Variants in GATAD2B observed in about 807,000 individuals in gnomAD.
GATAD2B encodes GATA zinc finger domain containing 2B.
GATAD2B carries 8 observed loss-of-function variants against 64.3 expected under a neutral mutation model. That is an observed-to-expected ratio of 0.12 (90% CI 0.07 to 0.22). The LOEUF (loss-of-function observed/expected upper bound fraction) is 0.22. Ranked by LOEUF, GATAD2B falls within the 10% of genes least tolerant of loss-of-function variation. The pLI is 1.00. For synonymous variants in GATAD2B, 281 were observed against 271.3 expected (o/e 1.04, Z -0.35); for missense variants, 453 against 752.0 (o/e 0.60, Z 4.65).
chr1:153,810,466 C>G (rs1351250115), intron 10 of GATAD2B, among the ~76,000 whole-genome samples, 156 bp from the exon 11 acceptor site: 2 of 152,170 alleles, frequency 1.3e-5, no homozygotes. Context: ...CAGCAACTTT[C>G]TTTTTCTTTT....
At chr1:153,846,517 C>G (rs781064708) in intron 1 of GATAD2B, among the ~76,000 whole-genome samples, 48 of 150,486 alleles carry the variant, frequency 3.2e-4, no homozygotes, top group Non-Finnish European at 6.2e-4. Flanking sequence ...GGATTACAGG[C>G]ATTAGCCACC....
At chr1:153,824,334 A>T (rs1398590983) in intron 2 of GATAD2B, among the ~76,000 whole-genome samples, 1 of 152,142 alleles carries the variant, frequency 6.6e-6, no homozygotes, top group Non-Finnish European at 1.5e-5. Flanking sequence ...ATTTTTAAAA[A>T]AATTGTTGGG....
At position 153,808,757 on chromosome 1, in the gene GATAD2B, C is replaced by T. The variant is rs1362219715; in HGVS notation, c.*1420G>A. 1 of 127,772 alleles carries T rather than the reference C, an allele frequency of 7.8e-6. No individual in the cohort carries two copies. The highest frequency in any genetic ancestry group is 1.6e-5 in the Non-Finnish European group (1 of 63,962). The allele number at this position is 127,772 out of a possible 1,614,324, so 7.9% of individuals were successfully genotyped here. A position where few individuals can be genotyped will look rare whatever the true frequency, so the allele number is the denominator to read the frequency against. ...CTAATCTCCCCAGTCCCCAGAACAG[C>T]AACATTGCACAATTCAATTCATTCT... On this transcript the variant is annotated 3_prime_UTR_variant, in exon 11 of 11. Transcript: ENST00000368655.
chr1:153,875,683 GAAAAAAAAAAA>G (rs11340415), intron 1 of GATAD2B, among the ~76,000 whole-genome samples: 10 of 78,410 alleles, frequency 1.3e-4, no homozygotes, highest in Admixed American at 1.0e-3. Flanking sequence ...AGTTTGGAGG[GAAAAAAAAAAA>G]AAAAAAAAAA....
chr1:153,861,809 T>TATATATATATATATATACAC (rs1294838675), intron 1 of GATAD2B, among the ~76,000 whole-genome samples: 139 of 122,120 alleles, frequency 1.1e-3, no homozygotes, highest in African/African-American at 4.0e-3. Flanking sequence ...TATATATATA[T>TATATATATATATATATACAC]ACACATATGT....
chr1:153,816,614 A>G lies in GATAD2B; in HGVS notation c.901-26T>C. On this transcript the variant is annotated intron_variant, in intron 6 of 10. Coordinates refer to ENST00000368655, the MANE Select transcript of GATAD2B (RefSeq NM_020699.4). This position sits in a 1 kb window ranked among gnomAD's most constrained non-coding sequence, Gnocchi z 4.9. ...CTGAAATAGATTGAGAATGCGGTCA[A>G]TCATGGTATGCAGGAGAAAGGGCCA... 6.5e-7 allele frequency: 1 copy of G among 1,531,106 alleles called. No individual in the cohort carries two copies. The highest frequency in any genetic ancestry group is 9.0e-7 in the Non-Finnish European group (1 of 1,109,316). 94.8% of individuals were successfully genotyped at this position (1,531,106 alleles called of 1,614,324 possible).
chr1:153,914,227 C>CAAAAAAAAAAAAAAA, intron 1 of GATAD2B, among the ~76,000 whole-genome samples: 1 of 65,984 alleles, frequency 1.5e-5, no homozygotes. Context: ...CCCAGACTCT[C>CAAAAAAAAAAAAAAA]AAAAAAAAAA....
chr1:153,903,142 C>T (rs1204273801), intron 1 of GATAD2B, among the ~76,000 whole-genome samples: 2 of 151,700 alleles, frequency 1.3e-5, no homozygotes, highest in Admixed American at 1.3e-4. Context: ...GGAGTGAAAC[C>T]AGGAGGCGGA....
chr1:153,862,274 C>T (rs1448909330), intron 1 of GATAD2B, among the ~76,000 whole-genome samples: 2 of 151,696 alleles, frequency 1.3e-5, no homozygotes, highest in Non-Finnish European at 2.9e-5. Context: ...AGGCTCATGC[C>T]GTCACACCCA....
rs71093290 is a variant in GATAD2B at position 153,828,455 on chromosome 1, T to TACACACAC, written c.-1-115_-1-108dup. ...TTAACAAGAATCTCTCTCTCACACA[T>TACACACAC]ACACACACACACACACACACACACA... On this transcript the variant is annotated intron_variant, in intron 1 of 10. Transcript: ENST00000368655. 3.1e-3 allele frequency: 1,797 copies of TACACACAC among 584,050 alleles called. 5 individuals are homozygous for TACACACAC. Among genetic ancestry groups the TACACACAC allele is most frequent in the East Asian group, 0.013 (452 of 34,728 alleles). The allele number at this position is 584,050 out of a possible 1,614,324, so 36.2% of individuals were successfully genotyped here.
chr1:153,901,970 C>T (rs543548900), intron 1 of GATAD2B, among the ~76,000 whole-genome samples: 5 of 138,766 alleles, frequency 3.6e-5, no homozygotes, highest in Non-Finnish European at 7.7e-5. Context: ...GCCAATCAGA[C>T]TCCGTCTCAA....
intron 1 of GATAD2B, among the ~76,000 whole-genome samples, chr1:153,900,314 G>A (rs1677726645): frequency 6.6e-6 from 1 of 151,916 alleles, no homozygotes; most frequent in Non-Finnish European, 1.5e-5. Flanking sequence ...AGCTACTCAG[G>A]AGGCTTGAGG....
Position 153,810,279 on chromosome 1 carries a change from G to A in GATAD2B, c.1680C>T (p.Ile560=), listed in dbSNP as rs756036459. 2.5e-5 allele frequency: 40 copies of A among 1,613,048 alleles called. No individual in the cohort carries two copies. The highest frequency in any genetic ancestry group is 5.0e-5 in the Admixed American group (3 of 59,816). ...GVNIAYLNTG[I]GGHKGPSLAD... ...CCAAACTGGGGCCTTTGTGTCCTCCGATGCCAGTATTCAAGTATGCAATGT... is the reference window on the plus strand; with the variant it reads ...CCAAACTGGGGCCTTTGTGTCCTCCAATGCCAGTATTCAAGTATGCAATGT... Residue 560 remains isoleucine (I), a synonymous_variant, in exon 11 of 11, where the codon ATC becomes ATT. Coordinates refer to ENST00000368655, the MANE Select transcript of GATAD2B (RefSeq NM_020699.4).
rs923820026 is a variant in GATAD2B, at chr1:153,806,796, T to C, written c.*3381A>G. 6.6e-6 allele frequency: 1 copy of C among 151,802 alleles called. No homozygotes were observed. Among genetic ancestry groups the C allele is most frequent in the African/African-American group, 2.4e-5 (1 of 41,126 alleles). The allele number at this position is 151,802 out of a possible 1,614,324, so 9.4% of individuals were successfully genotyped here. A position where few individuals can be genotyped will look rare whatever the true frequency, so the allele number is the denominator to read the frequency against. On this transcript the variant is annotated 3_prime_UTR_variant, in exon 11 of 11. Transcript: ENST00000368655. ...GTAGGGGGTGTGGAGAGAAGGGTTA[T>C]GCCTTCTGGAGGAGTGGGGAGAAAA...
At chr1:153,837,648 G>A (rs2101898771) in intron 1 of GATAD2B, among the ~76,000 whole-genome samples, 1 of 152,178 alleles carries the variant, frequency 6.6e-6, no homozygotes, top group East Asian at 1.9e-4. Context: ...AAGGGTACAC[G>A]TGATCTTTTT....
chr1:153,885,825 T>G (rs1413137990), intron 1 of GATAD2B, among the ~76,000 whole-genome samples: 1 of 145,364 alleles, frequency 6.9e-6, no homozygotes, highest in African/African-American at 2.6e-5. Context: ...ACGGCGCCAC[T>G]GCTCTCCAGC....
In GATAD2B at chr1:153,816,169, G is replaced by T; in HGVS notation, c.1216+104C>A. 1.4e-6 allele frequency: 1 copy of T among 738,432 alleles called. No individual in the cohort carries two copies. The highest frequency in any genetic ancestry group is 2.3e-6 in the Non-Finnish European group (1 of 434,162). 45.7% of individuals were successfully genotyped at this position (738,432 alleles called of 1,614,324 possible). A position where few individuals can be genotyped will look rare whatever the true frequency, so the allele number is the denominator to read the frequency against. On this transcript the variant is annotated intron_variant, in intron 7 of 10. Transcript: ENST00000368655. This position sits in a 1 kb window ranked among gnomAD's most constrained non-coding sequence, Gnocchi z 4.9. ...AGGGAGGTGGTTTGGTAACAGGAAGGAGAAGTTATTTAATATTGTACAGTA... is the reference window on the plus strand; with the variant it reads ...AGGGAGGTGGTTTGGTAACAGGAAGTAGAAGTTATTTAATATTGTACAGTA...
At chr1:153,906,373 T>G (rs1345645731) in intron 1 of GATAD2B, among the ~76,000 whole-genome samples, 1 of 151,208 alleles carries the variant, frequency 6.6e-6, no homozygotes, top group Non-Finnish European at 1.5e-5. Flanking sequence ...GAACCAAGAT[T>G]GTGCCACTGC....
chr1:153,878,288 C>T (rs1676899282), intron 1 of GATAD2B, among the ~76,000 whole-genome samples: 1 of 151,828 alleles, frequency 6.6e-6, no homozygotes, highest in South Asian at 2.1e-4. Context: ...GGACCACAGG[C>T]ACATGCCACG....
Sources: gnomAD v4.1 joint callset for allele counts (sites outside exome capture counted in the v4.1 genomes callset) on GRCh38, gnomAD v4.1.1 for gene constraint, Gnocchi (gnomAD v3.1) non-coding constraint, MANE v1.5 for transcripts, NCBI Gene and HGNC (gene_info 2026-07-23, HGNC 2026-07-21) for gene names.